The following DOCK1 variants were observed in gnomAD, a reference collection of about 807,000 sequenced individuals.
The protein encoded by DOCK1 is dedicator of cytokinesis protein 1.
In DOCK1, 138 loss-of-function variants were observed where a neutral mutation model predicts 262.7. The ratio of observed to expected loss-of-function variants is 0.53; its 90% confidence interval spans 0.46 to 0.61. The LOEUF is 0.61. DOCK1 is among the 20% of genes least tolerant of loss of function. The probability of loss-of-function intolerance (pLI) is 0.00; values close to 1 mark genes in which losing one functional copy is unlikely to be tolerated. For missense variants in DOCK1, 1,908 were observed against 2,370.7 expected (o/e 0.80, Z 4.05); for synonymous variants, 866 against 867.4 (o/e 1.00, Z 0.03).
chr10:127,121,429 G>A (rs1761533), intron 25 of DOCK1, among the ~76,000 whole-genome samples: 124,560 of 151,564 alleles, frequency 0.82, 51,872 homozygotes, highest in East Asian at 0.94. Flanking sequence ...CATGCTTTAA[G>A]ATAGGTCATT....
chr10:127,240,028 T>C (rs1159109074), intron 27 of DOCK1, among the ~76,000 whole-genome samples: 1 of 152,178 alleles, frequency 6.6e-6, no homozygotes, highest in Non-Finnish European at 1.5e-5. Context: ...TATTCCCTTT[T>C]GGTATATTTG....
rs10652401 is a variant in DOCK1 at position 127,023,542 on chromosome 10, C to CTTTTT, written c.1452+232_1452+236dup. Among the ~76,000 whole-genome samples the CTTTTT allele has an allele frequency of 2.5e-4, 31 of 124,354 alleles. 2 individuals carry two copies. Among genetic ancestry groups the CTTTTT allele is most frequent in the African/African-American group, 3.7e-4 (12 of 32,608 alleles). The allele number at this position is 124,354 out of a possible 152,430, so 81.6% of individuals were successfully genotyped here. On this transcript the variant is annotated intron_variant, in intron 14 of 51. Transcript: ENST00000623213. ...GCCTATCTCAGGAGGTCCCTGTGGTCTTTTTTTTTTTTTTTTTTGAGATGG... is the reference window on the plus strand; with the variant it reads ...GCCTATCTCAGGAGGTCCCTGTGGTCTTTTTTTTTTTTTTTTTTTTTTTGAGATGG...
At chr10:126,922,236 G>T (rs761522515) in intron 1 of DOCK1, among the ~76,000 whole-genome samples, 162 of 141,578 alleles carry the variant, frequency 1.1e-3, no homozygotes, top group Non-Finnish European at 2.1e-3. Flanking sequence ...AAAAAAAAAG[G>T]AAAGAGTTAT....
In DOCK1 at chr10:127,339,646, T is replaced by C. The variant is rs565765765; in HGVS notation, c.3123+562T>C. 7.8e-3 allele frequency among the ~76,000 whole-genome samples: 1,169 copies of C among 149,240 alleles called. 13 individuals carry two copies. The highest frequency in any genetic ancestry group is 0.014 in the Middle Eastern group (4 of 288). The stretch of plus-strand genomic sequence containing the variant: ...GTGTTTGTGTGTGTGTGTGTGTGTG[T>C]GTGCGCGCGCGCATGCATGCTGTAA... On this transcript the variant is annotated intron_variant, in intron 30 of 51. Coordinates refer to ENST00000623213, the MANE Select transcript of DOCK1 (RefSeq NM_001290223.2).
chr10:126,945,306 G>A (rs1395522073), intron 1 of DOCK1, among the ~76,000 whole-genome samples: 1 of 152,034 alleles, frequency 6.6e-6, no homozygotes, highest in African/African-American at 2.4e-5. Flanking sequence ...TCACTTTCTT[G>A]GTGGCTGTTG....
intron 29 of DOCK1, among the ~76,000 whole-genome samples, chr10:127,261,768 G>GGT (rs756453423): frequency 0.012 from 1,109 of 90,122 alleles, 14 homozygotes; most frequent in Non-Finnish European, 0.019. Context: ...TGTGCATGTG[G>GGT]GTGTGTGTGT....
intron 31 of DOCK1, among the ~76,000 whole-genome samples, chr10:127,350,608 G>A (rs996447510): frequency 2.0e-4 from 31 of 152,034 alleles, no homozygotes; most frequent in Non-Finnish European, 2.9e-5. Context: ...ATTCCTCTAT[G>A]TATCTATCCG....
intron 23 of DOCK1, among the ~76,000 whole-genome samples, chr10:127,075,695 C>T (rs919121429): frequency 1.3e-5 from 2 of 152,046 alleles, no homozygotes; most frequent in Non-Finnish European, 2.9e-5. Flanking sequence ...CACTTTAAAC[C>T]ATCAGATCTC....
chr10:127,326,093 T>G (rs1274350050), intron 29 of DOCK1, among the ~76,000 whole-genome samples: 1 of 152,254 alleles, frequency 6.6e-6, no homozygotes, highest in Non-Finnish European at 1.5e-5. Context: ...AATCTAAATC[T>G]TTCTGCTGAT....
At chr10:127,365,002 A>G (rs887474094) in intron 33 of DOCK1, among the ~76,000 whole-genome samples, 1 of 152,148 alleles carries the variant, frequency 6.6e-6, no homozygotes, top group African/African-American at 2.4e-5. Context: ...AAGTCTTTGT[A>G]TAAAGACTGT....
intron 47 of DOCK1, among the ~76,000 whole-genome samples, chr10:127,426,737 A>G (rs2068840370): frequency 6.6e-6 from 1 of 152,194 alleles, no homozygotes; most frequent in South Asian, 2.1e-4. Context: ...ACCTCCAAGA[A>G]CAAGGGATGC....
At chr10:127,259,789 A>ATT (rs10534535) in intron 29 of DOCK1, among the ~76,000 whole-genome samples, 2,805 of 144,968 alleles carry the variant, frequency 0.019, 37 homozygotes, top group East Asian at 0.06. Flanking sequence ...TTAGTTCATG[A>ATT]TTTTTTTTTT....
At chr10:127,054,175 A>G (rs1454440143) in intron 22 of DOCK1, among the ~76,000 whole-genome samples, 1 of 152,172 alleles carries the variant, frequency 6.6e-6, no homozygotes, top group Non-Finnish European at 1.5e-5. Context: ...ACTCAGGAGA[A>G]GGGGGAAGAA....
intron 29 of DOCK1, among the ~76,000 whole-genome samples, chr10:127,313,652 C>T (rs2062149354): frequency 2.6e-5 from 4 of 152,116 alleles, no homozygotes. Context: ...CGTTCCTGGT[C>T]CTCACCCATC....
At chr10:127,290,271 T>G (rs1039752877) in intron 29 of DOCK1, among the ~76,000 whole-genome samples, 15 of 152,208 alleles carry the variant, frequency 9.9e-5, no homozygotes, top group African/African-American at 2.7e-4. Context: ...GTTATCTTAC[T>G]CCAGATAGTG....
chr10:127,011,356 C>T (rs2041427415), intron 11 of DOCK1, among the ~76,000 whole-genome samples: 1 of 152,210 alleles, frequency 6.6e-6, no homozygotes, highest in Non-Finnish European at 1.5e-5. Flanking sequence ...ATCTCCCTCC[C>T]TCCCTGTCTT....
At position 126,998,206 on chromosome 10, in the gene DOCK1, G is replaced by A; in HGVS notation, c.724G>A (p.Val242Ile). 1.9e-6 allele frequency: 3 copies of A among 1,614,020 alleles called. No individual in the cohort carries two copies. The highest frequency in any genetic ancestry group is 2.5e-6 in the Non-Finnish European group (3 of 1,179,890). ...VVCKIGEDAE[V>I]LMSLYDPVES... is the part of the protein sequence containing the mutation. ...TTGTAAAATAGGAGAAGATGCTGAA[G>A]TCCTCATGTCTCTATATGACCCTGT... The change falls in exon 8 of 52, where the codon GTC becomes ATC. Residue 242 changes from valine (V) to isoleucine (I), a missense_variant. Coordinates refer to ENST00000623213, the MANE Select transcript of DOCK1 (RefSeq NM_001290223.2).
chr10:126,948,913 G>T (rs2035896668), intron 1 of DOCK1, among the ~76,000 whole-genome samples: 1 of 152,132 alleles, frequency 6.6e-6, no homozygotes, highest in Non-Finnish European at 1.5e-5. Flanking sequence ...GAGAAGGCAG[G>T]TCTGGAGCTG....
rs756475538 is a variant in DOCK1, at chr10:127,433,426, C to T, written c.5058C>T (p.Asp1686=). Residue 1686 remains aspartate, a splice_region_variant and synonymous_variant, in exon 48 of 52, where the codon GAC becomes GAT. Coordinates refer to ENST00000623213, the MANE Select transcript of DOCK1 (RefSeq NM_001290223.2). ...GCACCCCTTCCAGACCAGGCTCCGA[C>T]GGGTGAGTCAAGCTCACAGCAGGGC... ...SDSTPSRPGS[D]GFALEPLLPK... 43 of 1,613,742 alleles carry T rather than the reference C, an allele frequency of 2.7e-5. No individual in the cohort carries two copies. Among genetic ancestry groups the T allele is most frequent in the Middle Eastern group, 1.6e-4 (1 of 6,084 alleles).
Sources: gnomAD v4.1 joint callset for allele counts (sites outside exome capture counted in the v4.1 genomes callset) on GRCh38, gnomAD v4.1.1 for gene constraint, MANE v1.5 for transcripts, NCBI Gene and HGNC (gene_info 2026-07-23, HGNC 2026-07-21) for gene names.